AMOTL1: variants seen among roughly 807,000 people sequenced by gnomAD.
AMOTL1 encodes the protein angiomotin like 1, also known as angiomotin-like protein 1.
Under a neutral mutation model 102.9 loss-of-function variants are expected in AMOTL1, and 45 were observed. The observed-to-expected ratio is 0.44, with a 90% confidence interval of 0.34 to 0.56. The LOEUF (loss-of-function observed/expected upper bound fraction) is 0.56. Ranked by LOEUF, AMOTL1 falls within the 20% of genes least tolerant of loss-of-function variation. The pLI is 0.01. For missense variants in AMOTL1, 1,114 were observed against 1,225.6 expected (o/e 0.91, Z 1.36); for synonymous variants, 481 against 484.7 (o/e 0.99, Z 0.10).
intron 3 of AMOTL1, among the ~76,000 whole-genome samples, chr11:94,747,574 T>A (rs1468037038): frequency 1.3e-5 from 2 of 152,196 alleles, no homozygotes; most frequent in Non-Finnish European, 2.9e-5. Flanking sequence ...TCCTACCCCC[T>A]TGTCCTCCAA....
chr11:94,863,328 C>T (rs1325976107), intron 9 of AMOTL1, among the ~76,000 whole-genome samples: 3 of 150,626 alleles, frequency 2.0e-5, no homozygotes, highest in Non-Finnish European at 4.4e-5. Context: ...CGCGGTGGCT[C>T]ACGTCTGTAA....
At chr11:94,845,873 G>T (rs1435600727) in intron 6 of AMOTL1, among the ~76,000 whole-genome samples, 1 of 152,188 alleles carries the variant, frequency 6.6e-6, no homozygotes, top group Non-Finnish European at 1.5e-5. Context: ...ACCATTCTGG[G>T]CAAGAATTCC....
chr11:94,711,495 G>T (rs2135428645), intron 1 of AMOTL1, among the ~76,000 whole-genome samples: 1 of 152,090 alleles, frequency 6.6e-6, no homozygotes, highest in Non-Finnish European at 1.5e-5. Flanking sequence ...GTGTGTGATT[G>T]TATACAGTTT....
intron 6 of AMOTL1, among the ~76,000 whole-genome samples, chr11:94,834,633 G>A (rs527754516): frequency 6.6e-6 from 1 of 152,258 alleles, no homozygotes; most frequent in Admixed American, 6.5e-5. Context: ...ATACCAAGAA[G>A]CCCGAGTTAG....
At chr11:94,855,784 C>T (rs59599837) in intron 8 of AMOTL1, among the ~76,000 whole-genome samples, 11,570 of 152,212 alleles carry the variant, frequency 0.076, 830 homozygotes, top group African/African-American at 0.19. Context: ...CACACTCAGA[C>T]CCATGCACGC....
At chr11:94,745,255 C>T (rs1328205068) in intron 3 of AMOTL1, among the ~76,000 whole-genome samples, 1 of 150,056 alleles carries the variant, frequency 6.7e-6, no homozygotes, top group Non-Finnish European at 1.5e-5. Flanking sequence ...CCCATCCCCC[C>T]ACCCCACGAC....
intron 3 of AMOTL1, among the ~76,000 whole-genome samples, chr11:94,756,650 T>G (rs539176905): frequency 6.6e-6 from 1 of 152,344 alleles, no homozygotes; most frequent in South Asian, 2.1e-4. Context: ...AATAAGTCTA[T>G]TCCTCATTTC....
intron 3 of AMOTL1, among the ~76,000 whole-genome samples, chr11:94,746,565 CTTCTCCCT>C (rs1257762571): frequency 6.6e-6 from 1 of 152,170 alleles, no homozygotes; most frequent in Non-Finnish European, 1.5e-5. Context: ...CCTCTTCCCC[CTTCTCCCT>C]TTCTCCCCTG....
chr11:94,854,048 T>C lies in AMOTL1; in HGVS notation c.1910T>C (p.Leu637Pro), dbSNP rs765160187. The change falls in exon 8 of 13, where the codon CTG becomes CCG. Residue 637 changes from leucine to proline, a missense_variant. By Grantham distance (98) the Leu-to-Pro change is moderately conservative. Coordinates refer to ENST00000433060, the MANE Select transcript of AMOTL1 (RefSeq NM_130847.3). ...EQMERRLRTW[L>P]ERELDALRTQ... ...ATGGAGCGGAGACTGCGGACTTGGC[T>C]GGAGAGAGAGCTGGATGCACTGAGA... 1 of 1,556,698 alleles carries C rather than the reference T, an allele frequency of 6.4e-7. No homozygotes were observed. The highest frequency in any genetic ancestry group is 1.9e-5 in the Admixed American group (1 of 51,360).
chr11:94,873,781 A>ACG lies in AMOTL1; in HGVS notation c.*2987_*2988insGC, dbSNP rs1565393268. 1 of 119,448 alleles carries ACG rather than the reference A, an allele frequency of 8.4e-6. No homozygotes were observed. Among genetic ancestry groups the ACG allele is most frequent in the Non-Finnish European group, 1.6e-5 (1 of 60,638 alleles). The allele number at this position is 119,448 out of a possible 1,614,324, so 7.4% of individuals were successfully genotyped here. A position where few individuals can be genotyped will look rare whatever the true frequency, so the allele number is the denominator to read the frequency against. ...TGTGTGTGTGCACGTGTAACTACAC[A>ACG]CACACACACACACACACACACACAC... On this transcript the variant is annotated 3_prime_UTR_variant, in exon 13 of 13. Transcript: ENST00000433060.
intron 11 of AMOTL1, among the ~76,000 whole-genome samples, chr11:94,868,723 T>C (rs1952931913): frequency 6.6e-6 from 1 of 151,974 alleles, no homozygotes; most frequent in Admixed American, 6.5e-5. Context: ...AGCCTTGTAG[T>C]TTTTCTTAAG....
intron 4 of AMOTL1, 134 bp from the exon 5 acceptor site, chr11:94,829,916 C>A: frequency 1.2e-6 from 1 of 826,150 alleles, no homozygotes; most frequent in Non-Finnish European, 1.8e-6. Flanking sequence ...CAGTTTGGTA[C>A]ACATGAAACT....
chr11:94,833,415 T>A (rs1293341186), intron 6 of AMOTL1, among the ~76,000 whole-genome samples: 1 of 152,244 alleles, frequency 6.6e-6, no homozygotes, highest in African/African-American at 2.4e-5. Context: ...AGAATTCTTT[T>A]ATTAAGTAAA....
chr11:94,844,279 G>C (rs1451037431), intron 6 of AMOTL1, among the ~76,000 whole-genome samples: 1 of 152,150 alleles, frequency 6.6e-6, no homozygotes, highest in African/African-American at 2.4e-5. Context: ...TTTGGAGCTT[G>C]AACAGAATTA....
intron 8 of AMOTL1, among the ~76,000 whole-genome samples, chr11:94,857,814 G>C (rs1157120891): frequency 6.6e-6 from 1 of 152,134 alleles, no homozygotes; most frequent in Non-Finnish European, 1.5e-5. Flanking sequence ...AGTGTTCACT[G>C]TTGCAACCCT....
At chr11:94,815,322 C>A (rs1294549454) in intron 3 of AMOTL1, among the ~76,000 whole-genome samples, 1 of 151,740 alleles carries the variant, frequency 6.6e-6, no homozygotes, top group African/African-American at 2.4e-5. Flanking sequence ...ATGAAAACAG[C>A]TAAATCCTGA....
At position 94,870,674 on chromosome 11, in the gene AMOTL1, C is replaced by T. The variant is rs767863353; in HGVS notation, c.2765-15C>T. The T allele has an allele frequency of 6.2e-5, 97 of 1,576,718 alleles. No individual in the cohort carries two copies. Among genetic ancestry groups the T allele is most frequent in the Non-Finnish European group, 7.8e-5 (90 of 1,158,976 alleles). ...CTGAGGAATGGGCAGCTGATGTTTC[C>T]CCTCTATTTGGCAGAGAACTCTCCT... On this transcript the variant is annotated splice_polypyrimidine_tract_variant and intron_variant, in intron 12 of 12. Transcript: ENST00000433060.
intron 1 of AMOTL1, among the ~76,000 whole-genome samples, chr11:94,706,967 G>A (rs1565320454): frequency 6.6e-6 from 1 of 152,100 alleles, no homozygotes; most frequent in Non-Finnish European, 1.5e-5. Flanking sequence ...GACTCTTAGA[G>A]AGCTGATTCT....
At chr11:94,763,716 T>C (rs759122389), upstream of AMOTL1, among the ~76,000 whole-genome samples, 1 of 152,140 alleles carries the variant, frequency 6.6e-6, no homozygotes, top group Non-Finnish European at 1.5e-5. Context: ...AAGGCAGAGA[T>C]GATCATCATA....
Sources: allele counts gnomAD v4.1 joint callset (sites outside exome capture counted in the v4.1 genomes callset), GRCh38; gene constraint gnomAD v4.1.1; transcripts MANE v1.5; gene names NCBI Gene and HGNC (gene_info 2026-07-23, HGNC 2026-07-21).